STX11: variants seen among roughly 807,000 people sequenced by gnomAD.
The protein encoded by STX11 is syntaxin-11.
A neutral mutation model predicts 19.9 loss-of-function variants in STX11; 21 were observed. The ratio of observed to expected loss-of-function variants is 1.06; its 90% confidence interval spans 0.75 to 1.52. The LOEUF is 1.52. STX11 is among the 40% of genes most tolerant of loss of function. The pLI, the probability that STX11 is intolerant of heterozygous loss-of-function variation, is 0.00. For missense variants in STX11, 438 were observed against 405.9 expected, an observed-to-expected ratio of 1.08 and a Z score of -0.68; for synonymous variants, 193 against 174.4, an observed-to-expected ratio of 1.11 and a Z score of -0.84.
At chr6:144,156,971 A>G (rs1220182126) in intron 1 of STX11, among the ~76,000 whole-genome samples, 1 of 152,214 alleles carries the variant, frequency 6.6e-6, no homozygotes, top group African/African-American at 2.4e-5. Flanking sequence ...AAGGTGGGAA[A>G]CACCTGGAGA....
chr6:144,143,621 C>T, the STX11 span, among the ~76,000 whole-genome samples: 1 of 152,154 alleles, frequency 6.6e-6, no homozygotes. Context: ...TTCCCTGCCC[C>T]TGTCCTCCTG....
At position 144,154,731 on chromosome 6, in the gene STX11, T is replaced by C. The variant is rs1801090313; in HGVS notation, c.-6+4028T>C. ...CTGCCTTTTGAATCCTATTTTGTTC[T>C]AGTTTTACCCTGAAGCAGGCGCCTT... On this transcript the variant is annotated intron_variant, in intron 1 of 1. Coordinates refer to ENST00000367568, the MANE Select transcript of STX11 (RefSeq NM_003764.4). This position sits in a 1 kb window ranked among gnomAD's most constrained non-coding sequence, Gnocchi z 4.7. Among the ~76,000 whole-genome samples, 1 of 152,238 alleles carries C rather than the reference T, an allele frequency of 6.6e-6. No homozygotes were observed. The highest frequency in any genetic ancestry group is 2.4e-5 in the African/African-American group (1 of 41,450).
chr6:144,150,581 G>GCGCCGGGAGCGGAGC lies in STX11; in HGVS notation c.-118_-104dup, dbSNP rs1452332788. Reference sequence around the variant, plus strand: ...AGGAACTCAGCCTCGGCCGCAGGAGGCGCCGGGAGCGGAGCCGCCGGGAGT... The same window carrying GCGCCGGGAGCGGAGC: ...AGGAACTCAGCCTCGGCCGCAGGAGGCGCCGGGAGCGGAGCCGCCGGGAGCGGAGCCGCCGGGAGT... On this transcript the variant is annotated 5_prime_UTR_variant, in exon 1 of 2. Transcript: ENST00000367568. 3.0e-6 allele frequency: 3 copies of GCGCCGGGAGCGGAGC among 985,350 alleles called. No homozygotes were observed. The highest frequency in any genetic ancestry group is 1.1e-4 in the East Asian group (1 of 8,820). The allele number at this position is 985,350 out of a possible 1,614,324, so 61.0% of individuals were successfully genotyped here. A position where few individuals can be genotyped will look rare whatever the true frequency, so the allele number is the denominator to read the frequency against.
At chr6:144,171,729 T>C (rs199995722) in intron 1 of STX11, among the ~76,000 whole-genome samples, 1 of 147,134 alleles carries the variant, frequency 6.8e-6, no homozygotes, top group Non-Finnish European at 1.5e-5. Flanking sequence ...CTTTTTTTTT[T>C]CTCCTCACCG....
chr6:144,190,103 T>A lies in STX11; in HGVS notation c.*2612T>A, dbSNP rs1802178559. On this transcript the variant is annotated 3_prime_UTR_variant, in exon 2 of 2. Coordinates refer to ENST00000367568, the MANE Select transcript of STX11 (RefSeq NM_003764.4). ...GAGTTCGGTACAGACTGTCCATTAC[T>A]GCACCAAAAGAATGAGTGAACTGTT... Among the ~76,000 whole-genome samples, 1 of 152,244 alleles carries A rather than the reference T, an allele frequency of 6.6e-6. No homozygotes were observed.
rs779925697 is a variant in STX11, at chr6:144,186,965, C to T, written c.338C>T (p.Ala113Val). 2.5e-6 allele frequency: 4 copies of T among 1,608,892 alleles called. No homozygotes were observed. Among genetic ancestry groups the T allele is most frequent in the Non-Finnish European group, 3.4e-6 (4 of 1,179,708 alleles). ...CGCGCCATGAAGGAGCTGAGCGAGG[C>T]GGCTGAGGCCCAGCACGGCCCGCAC... ...KLRAMKELSE[A>V]AEAQHGPHSA... Residue 113 changes from alanine (A) to valine (V), a missense_variant, in exon 2 of 2, where the codon GCG (alanine) becomes GTG (valine). Transcript: ENST00000367568.
At chr6:144,147,636 T>TGACAACTC (rs1800901014), upstream of STX11, among the ~76,000 whole-genome samples, 3 of 152,090 alleles carry the variant, frequency 2.0e-5, no homozygotes, top group South Asian at 6.2e-4. This position sits in a 1 kb window ranked among gnomAD's most constrained non-coding sequence, Gnocchi z 4.2. Flanking sequence ...CATGACAACT[T>TGACAACTC]GACAACTCCA....
chr6:144,184,426 T>C lies in STX11; in HGVS notation c.-5-2197T>C, dbSNP rs965131000. On this transcript the variant is annotated intron_variant, in intron 1 of 1. Coordinates refer to ENST00000367568, the MANE Select transcript of STX11 (RefSeq NM_003764.4). This position sits in a 1 kb window ranked among gnomAD's most constrained non-coding sequence, Gnocchi z 6.5. ...ATGAGATGGAATTACCAGTATGTTT[T>C]GAGAGTTCCCAGAATCCTTACCCAT... is the stretch of plus-strand genomic sequence containing the variant. 1.3e-5 allele frequency among the ~76,000 whole-genome samples: 2 copies of C among 152,250 alleles called. No homozygotes were observed. The highest frequency in any genetic ancestry group is 2.9e-5 in the Non-Finnish European group (2 of 68,032).
rs1177652052 is a variant in STX11, at chr6:144,184,333, TA to T, written c.-5-2289del. ...CCCACCAACAGTGTAAAAGCATTCCTATTTCTTCACAACCACCATCAGCATC... is the reference window on the plus strand; with the variant it reads ...CCCACCAACAGTGTAAAAGCATTCCTTTTCTTCACAACCACCATCAGCATC... On this transcript the variant is annotated intron_variant, in intron 1 of 1. Coordinates refer to ENST00000367568, the MANE Select transcript of STX11 (RefSeq NM_003764.4). The surrounding 1 kb of genome is among the most constrained non-coding windows in gnomAD (Gnocchi z 6.5). 6.6e-6 allele frequency among the ~76,000 whole-genome samples: 1 copy of T among 152,232 alleles called. No homozygotes were observed. Among genetic ancestry groups the T allele is most frequent in the Non-Finnish European group, 1.5e-5 (1 of 68,040 alleles).
chr6:144,185,084 A>G (rs2128755952), intron 1 of STX11, among the ~76,000 whole-genome samples: 1 of 152,338 alleles, frequency 6.6e-6, no homozygotes, highest in Non-Finnish European at 1.5e-5. Context: ...GGTATTGATT[A>G]TAGCCACCAG....
In STX11 at chr6:144,180,752, T is replaced by A. The variant is rs1218417786; in HGVS notation, c.-5-5871T>A. ...CCACTCTTTGGTCTGCTGAGGTAGG[T>A]GGAAACCTGCTTTCTGAATTGTTCC... On this transcript the variant is annotated intron_variant, in intron 1 of 1. Coordinates refer to ENST00000367568, the MANE Select transcript of STX11 (RefSeq NM_003764.4). The surrounding 1 kb of genome is among the most constrained non-coding windows in gnomAD (Gnocchi z 5.3). 6.6e-6 allele frequency among the ~76,000 whole-genome samples: 1 copy of A among 152,220 alleles called. No individual in the cohort carries two copies. Among genetic ancestry groups the A allele is most frequent in the African/African-American group, 2.4e-5 (1 of 41,456 alleles).
At position 144,165,799 on chromosome 6, in the gene STX11, TTTAAAG is replaced by T. The variant is rs1214818795; in HGVS notation, c.-6+15101_-6+15106del. Among the ~76,000 whole-genome samples, 1 of 152,230 alleles carries T rather than the reference TTTAAAG, an allele frequency of 6.6e-6. No individual in the cohort carries two copies. The highest frequency in any genetic ancestry group is 1.5e-5 in the Non-Finnish European group (1 of 68,034). On this transcript the variant is annotated intron_variant, in intron 1 of 1. Transcript: ENST00000367568. The surrounding 1 kb of genome is among the most constrained non-coding windows in gnomAD (Gnocchi z 5.8). ...TCCTAAGACTGTGTTTGTAAAATAC[TTTAAAG>T]TTAACAAAGTGCTCTCATGTACATA...
rs1156612108 is a variant in STX11 at position 144,159,545 on chromosome 6, G to A, written c.-6+8842G>A. Among the ~76,000 whole-genome samples, 1 of 151,958 alleles carries A rather than the reference G, an allele frequency of 6.6e-6. No homozygotes were observed. Among genetic ancestry groups the A allele is most frequent in the African/African-American group, 2.4e-5 (1 of 41,374 alleles). ...GTGTGTGTGTGTGTGTGTCCGTCCA[G>A]TATGTGGAAAAAGACAGTACAGGAA... On this transcript the variant is annotated intron_variant, in intron 1 of 1. Coordinates refer to ENST00000367568, the MANE Select transcript of STX11 (RefSeq NM_003764.4). The surrounding 1 kb of genome is among the most constrained non-coding windows in gnomAD (Gnocchi z 4.3).
At chr6:144,146,024 G>C (rs117287725), upstream of STX11, among the ~76,000 whole-genome samples, 1 of 152,100 alleles carries the variant, frequency 6.6e-6, no homozygotes, top group Admixed American at 6.5e-5. This position sits in a 1 kb window ranked among gnomAD's most constrained non-coding sequence, Gnocchi z 4.4. Context: ...AAGAGTTCTC[G>C]AACTAGCATG....
At position 144,169,390 on chromosome 6, in the gene STX11, T is replaced by C. The variant is rs1801567487; in HGVS notation, c.-5-17233T>C. Among the ~76,000 whole-genome samples the C allele has an allele frequency of 6.6e-6, 1 of 152,248 alleles. No individual in the cohort carries two copies. Among genetic ancestry groups the C allele is most frequent in the Admixed American group, 6.5e-5 (1 of 15,284 alleles). ...TGCTTTGTGATCAGCAGATGCTTCA[T>C]CACCACACATCTTTGAAAATTTGAT... On this transcript the variant is annotated intron_variant, in intron 1 of 1. Coordinates refer to ENST00000367568, the MANE Select transcript of STX11 (RefSeq NM_003764.4). This position sits in a 1 kb window ranked among gnomAD's most constrained non-coding sequence, Gnocchi z 5.2.
In STX11 at chr6:144,190,618, C is replaced by CTA. The variant is rs1474230537; in HGVS notation, c.*3129_*3130dup. The stretch of plus-strand genomic sequence containing the variant: ...TTTGACAGTCATAAAGATGTTTTCA[C>CTA]TATGGCATTTCTATCCCTGTGTATA... On this transcript the variant is annotated 3_prime_UTR_variant, in exon 2 of 2. Transcript: ENST00000367568. Among the ~76,000 whole-genome samples, 1 of 151,242 alleles carries CTA rather than the reference C, an allele frequency of 6.6e-6. No homozygotes were observed. The highest frequency in any genetic ancestry group is 1.5e-5 in the Non-Finnish European group (1 of 67,876).
In STX11 at chr6:144,156,012, TTC is replaced by T. The variant is rs1449714751; in HGVS notation, c.-6+5315_-6+5316del. 5.0e-3 allele frequency among the ~76,000 whole-genome samples: 519 copies of T among 104,220 alleles called. 16 individuals are homozygous for T. The highest frequency in any genetic ancestry group is 0.027 in the African/African-American group (487 of 18,152). 68.4% of individuals were successfully genotyped at this position (104,220 alleles called of 152,430 possible). A position where few individuals can be genotyped will look rare whatever the true frequency, so the allele number is the denominator to read the frequency against. On this transcript the variant is annotated intron_variant, in intron 1 of 1. Transcript: ENST00000367568. ...TTTCTTTCTTTCTTTCTTTCTTTCTTTCTCTCTTTCTCTCCTTCCTTCCTTCC... is the reference window on the plus strand; with the variant it reads ...TTTCTTTCTTTCTTTCTTTCTTTCTTTCTCTTTCTCTCCTTCCTTCCTTCC...
chr6:144,150,994 A>G (rs935767466), intron 1 of STX11, among the ~76,000 whole-genome samples: 2 of 152,148 alleles, frequency 1.3e-5, no homozygotes. Context: ...TTTTAGGGAT[A>G]CCTGTTGGTA....
rs375397736 is a variant in STX11 at position 144,187,528 on chromosome 6, A to T, written c.*37A>T. On this transcript the variant is annotated 3_prime_UTR_variant, in exon 2 of 2. Transcript: ENST00000367568. The surrounding 1 kb of genome is among the most constrained non-coding windows in gnomAD (Gnocchi z 5.6). The stretch of plus-strand genomic sequence containing the variant: ...GGGCCGCCACCGCCCATCCCAGACC[A>T]TGGAGCGCGCTGGGAAGGACGCACC... 1 of 1,609,712 alleles carries T rather than the reference A, an allele frequency of 6.2e-7. No individual in the cohort carries two copies. Among genetic ancestry groups the T allele is most frequent in the Admixed American group, 1.7e-5 (1 of 59,948 alleles).
Sources: gnomAD v4.1 joint callset for allele counts (sites outside exome capture counted in the v4.1 genomes callset) on GRCh38, gnomAD v4.1.1 for gene constraint, Gnocchi (gnomAD v3.1) non-coding constraint, MANE v1.5 for transcripts, NCBI Gene and HGNC (gene_info 2026-07-23, HGNC 2026-07-21) for gene names.